The following EIF4ENIF1 variants were observed in gnomAD, a reference collection of about 807,000 sequenced individuals.
EIF4ENIF1 encodes the protein eukaryotic translation initiation factor 4E nuclear import factor 1.
EIF4ENIF1 carries 23 observed loss-of-function variants against 110.5 expected under a neutral mutation model. The observed-to-expected ratio is 0.21, with a 90% CI of 0.15 to 0.29. The LOEUF (loss-of-function observed/expected upper bound fraction) is 0.29. Among genes scored for constraint, EIF4ENIF1 ranks in the 10% least tolerant of loss-of-function variants. EIF4ENIF1 has a pLI of 1.00. For synonymous variants in EIF4ENIF1, 440 were observed against 437.0 expected (o/e 1.01, Z -0.09); for missense variants, 1,031 against 1,221.1 (o/e 0.84, Z 2.32).
At chr22:31,448,287 G>C in intron 12 of EIF4ENIF1, 55 bp from the exon 13 acceptor site, 1 of 1,563,778 alleles carries the variant, frequency 6.4e-7, no homozygotes, top group South Asian at 1.1e-5. Context: ...GCATCAGGGA[G>C]GCATTTTCAT....
In EIF4ENIF1 at chr22:31,452,680, G is replaced by C. The variant is rs540840349; in HGVS notation, c.1512+1464C>G. On this transcript the variant is annotated intron_variant, in intron 10 of 18. Coordinates refer to ENST00000330125, the MANE Select transcript of EIF4ENIF1 (RefSeq NM_019843.4). The stretch of plus-strand genomic sequence containing the variant: ...CCAATCACCAAGACACAAATGTAAC[G>C]AGAAAGGAAAATAGGATAGTCTACC... Among the ~76,000 whole-genome samples the C allele has an allele frequency of 1.1e-4, 16 of 152,278 alleles. No individual in the cohort carries two copies. In the South Asian group the frequency reaches 2.9e-3, roughly 28 times the overall value.
At chr22:31,464,400 G>A (rs970924800) in intron 4 of EIF4ENIF1, among the ~76,000 whole-genome samples, 1 of 151,912 alleles carries the variant, frequency 6.6e-6, no homozygotes, top group African/African-American at 2.4e-5. Context: ...TATATTTGGG[G>A]CCGGGCATGG....
At chr22:31,478,748 G>A (rs1268534444) in intron 2 of EIF4ENIF1, among the ~76,000 whole-genome samples, 8 of 151,486 alleles carry the variant, frequency 5.3e-5, no homozygotes, top group African/African-American at 1.9e-4. Context: ...TCAGGAGATC[G>A]AGACCATCCT....
Position 31,441,953 on chromosome 22 carries a change from T to C in EIF4ENIF1, c.2372A>G (p.Lys791Arg), listed in dbSNP as rs754048787. The change falls in exon 17 of 19, where the codon AAA becomes AGA. Residue 791 changes from lysine (K) to arginine (R), a missense_variant. Lys to Arg is a conservative substitution (Grantham distance 26, BLOSUM62 2). This residue lies in a region of EIF4ENIF1 where 309 missense variants were observed against 299.1 expected (regional missense o/e 1.03). Transcript: ENST00000330125. ...AACTGGGGATGCCAAGGTGGGTGTT[T>C]TTCTCCCAGTTGCTTTAGGTCGATA... ...QDYRPKATGRKTPTLASPVPT... is the reference protein window; with the variant it reads ...QDYRPKATGRRTPTLASPVPT... 7 of 1,614,034 alleles carry C rather than the reference T, an allele frequency of 4.3e-6. No individual in the cohort carries two copies. The highest frequency in any genetic ancestry group is 1.7e-5 in the Admixed American group (1 of 60,000).
chr22:31,480,628 G>A (rs933770071), intron 2 of EIF4ENIF1, among the ~76,000 whole-genome samples: 10 of 151,816 alleles, frequency 6.6e-5, no homozygotes, highest in Non-Finnish European at 8.8e-5. Context: ...GGTGGCGTGC[G>A]CCTGTAGTCC....
intron 1 of EIF4ENIF1, among the ~76,000 whole-genome samples, 197 bp from the exon 2 acceptor site, chr22:31,488,942 A>C (rs2052149964): frequency 6.6e-6 from 1 of 152,224 alleles, no homozygotes; most frequent in African/African-American, 2.4e-5. Flanking sequence ...CTAGTATCCT[A>C]AGCATCAACA....
intron 3 of EIF4ENIF1, among the ~76,000 whole-genome samples, chr22:31,469,835 G>A (rs1306828039): frequency 6.6e-6 from 1 of 152,104 alleles, no homozygotes; most frequent in African/African-American, 2.4e-5. Flanking sequence ...TATGACTACA[G>A]GCAGGTGCCA....
rs751192682 is a variant in EIF4ENIF1 at position 31,449,455 on chromosome 22, G to A, written c.1661C>T (p.Thr554Ile). Residue 554 changes from threonine to isoleucine, a missense_variant, in exon 12 of 19, where the codon ACA (threonine) becomes ATA (isoleucine). Around this residue, in one of 3 missense-constraint regions of EIF4ENIF1, gnomAD observed 704 missense variants for 879.7 expected, o/e 0.80. Coordinates refer to ENST00000330125, the MANE Select transcript of EIF4ENIF1 (RefSeq NM_019843.4). ...TGCTCTTTGGCCCAGTAAAGATGTT[G>A]TAGGCTCCAAGCTCCCCATAAGGCC... ...LSGLMGSLEP[T>I]TSLLGQRAPS... 6.0e-5 allele frequency: 97 copies of A among 1,614,166 alleles called. No homozygotes were observed. The highest frequency in any genetic ancestry group is 8.1e-5 in the Non-Finnish European group (96 of 1,180,018).
intron 4 of EIF4ENIF1, among the ~76,000 whole-genome samples, chr22:31,467,651 C>T (rs1467447260): frequency 6.6e-6 from 1 of 151,996 alleles, no homozygotes; most frequent in Admixed American, 6.6e-5. Flanking sequence ...GGTGAAACCC[C>T]ATCTCTACTA....
intron 5 of EIF4ENIF1, 92 bp from the exon 6 acceptor site, chr22:31,463,225 G>A (rs1601604863): frequency 1.6e-6 from 2 of 1,262,138 alleles, no homozygotes; most frequent in East Asian, 4.9e-5. Context: ...AATAGTGAAA[G>A]GAAGATATGA....
chr22:31,455,318 GAT>G lies in EIF4ENIF1; in HGVS notation c.1100-5_1100-4del. 6.5e-7 allele frequency: 1 copy of G among 1,539,742 alleles called. No individual in the cohort carries two copies. The highest frequency in any genetic ancestry group is 1.3e-5 in the South Asian group (1 of 76,308). Reference sequence around the variant, plus strand: ...AGAGAGGATGGCTTGCTCCAGACCTGATATTGCAAATAAACATACTCAAAATT... The same window carrying G: ...AGAGAGGATGGCTTGCTCCAGACCTGATTGCAAATAAACATACTCAAAATT... On this transcript the variant is annotated splice_region_variant and splice_polypyrimidine_tract_variant and intron_variant, in intron 8 of 18. Coordinates refer to ENST00000330125, the MANE Select transcript of EIF4ENIF1 (RefSeq NM_019843.4).
At chr22:31,488,214 G>C (rs2146122215) in intron 2 of EIF4ENIF1, among the ~76,000 whole-genome samples, 1 of 152,224 alleles carries the variant, frequency 6.6e-6, no homozygotes, top group African/African-American at 2.4e-5. Flanking sequence ...GCACACTCAA[G>C]AGCATTCCTA....
At chr22:31,490,167 A>G (rs2052217484), upstream of EIF4ENIF1, among the ~76,000 whole-genome samples, 1 of 152,198 alleles carries the variant, frequency 6.6e-6, no homozygotes, top group African/African-American at 2.4e-5. Flanking sequence ...AGCGGACGGC[A>G]CTTGGGACCC....
At chr22:31,459,792 G>A (rs1449771740) in intron 6 of EIF4ENIF1, among the ~76,000 whole-genome samples, 2 of 152,126 alleles carry the variant, frequency 1.3e-5, no homozygotes. Context: ...GGGCAACCTA[G>A]AGACATTCTG....
At position 31,442,891 on chromosome 22, in the gene EIF4ENIF1, G is replaced by C. The variant is rs532807935; in HGVS notation, c.2206+71C>G. On this transcript the variant is annotated intron_variant, in intron 16 of 18. Coordinates refer to ENST00000330125, the MANE Select transcript of EIF4ENIF1 (RefSeq NM_019843.4). ...GGGCTTTGTATAGAATATCAGGCTG[G>C]TCAGCGCTCAGGCCCATGTTTTCTC... 16 of 1,578,066 alleles carry C rather than the reference G, an allele frequency of 1.0e-5. No individual in the cohort carries two copies. The South Asian group carries it at 1.8e-4, about 17-fold the overall frequency.
At chr22:31,446,751 C>T (rs1007484262) in intron 14 of EIF4ENIF1, among the ~76,000 whole-genome samples, 1 of 152,106 alleles carries the variant, frequency 6.6e-6, no homozygotes, top group Non-Finnish European at 1.5e-5. Context: ...GGAAGTTTGC[C>T]TTATAATAAG....
At chr22:31,481,090 G>C (rs902192376) in intron 2 of EIF4ENIF1, among the ~76,000 whole-genome samples, 1 of 152,136 alleles carries the variant, frequency 6.6e-6, no homozygotes, top group Non-Finnish European at 1.5e-5. Flanking sequence ...ATTCTCTATG[G>C]TCTTGCCAGC....
rs2050891393 is a variant in EIF4ENIF1, at chr22:31,458,369, G to C, written c.963+106C>G. ...AAAATTTAAATATGTAAGAATAAAAGCCAAAAACCCCAAAAGCATCTAGCA... is the reference window on the plus strand; with the variant it reads ...AAAATTTAAATATGTAAGAATAAAACCCAAAAACCCCAAAAGCATCTAGCA... On this transcript the variant is annotated intron_variant, in intron 7 of 18. Transcript: ENST00000330125. 4.0e-6 allele frequency: 4 copies of C among 993,648 alleles called. No homozygotes were observed. In the East Asian group the frequency reaches 9.1e-5, roughly 23 times the overall value. 61.6% of individuals were successfully genotyped at this position (993,648 alleles called of 1,614,324 possible).
Position 31,439,572 on chromosome 22 carries a change from T to TTC in EIF4ENIF1, c.*306_*307dup. ...TGTACATAAGGGTCTATACATTTAT[T>TTC]TCCTCAGAACCCTTAGGTGCCACCT... On this transcript the variant is annotated 3_prime_UTR_variant, in exon 19 of 19. Transcript: ENST00000330125. 2.7e-6 allele frequency: 1 copy of TTC among 375,372 alleles called. No homozygotes were observed. The highest frequency in any genetic ancestry group is 4.9e-6 in the Non-Finnish European group (1 of 205,412). 23.3% of individuals were successfully genotyped at this position (375,372 alleles called of 1,614,324 possible). A position where few individuals can be genotyped will look rare whatever the true frequency, so the allele number is the denominator to read the frequency against.
Sources: allele counts gnomAD v4.1 joint callset (sites outside exome capture counted in the v4.1 genomes callset), GRCh38; gene constraint gnomAD v4.1.1; regional missense constraint gnomAD v4.1.1; transcripts MANE v1.5; gene names NCBI Gene and HGNC (gene_info 2026-07-23, HGNC 2026-07-21).